ACOXL: variants seen among roughly 807,000 people sequenced by gnomAD.
The protein encoded by ACOXL is acyl-coenzyme A oxidase-like protein.
In ACOXL, 70 loss-of-function variants were observed where a neutral mutation model predicts 71.9. That is an observed-to-expected ratio of 0.97 (90% confidence interval 0.80 to 1.19). The LOEUF is 1.19. ACOXL is among the 50% of genes most tolerant of loss of function. The pLI is 0.00. For synonymous variants in ACOXL, 253 were observed against 281.6 expected (o/e 0.90, Z 1.02); for missense variants, 703 against 736.3 (o/e 0.95, Z 0.52).
intron 10 of ACOXL, among the ~76,000 whole-genome samples, chr2:110,861,065 C>T (rs1023138271): frequency 7.2e-5 from 11 of 152,144 alleles, no homozygotes; most frequent in South Asian, 2.1e-4. Context: ...ACCCTGGAGG[C>T]GGAGGTTGCA....
chr2:111,036,599 A>C (rs1009386159), intron 15 of ACOXL, among the ~76,000 whole-genome samples: 1 of 152,166 alleles, frequency 6.6e-6, no homozygotes, highest in Non-Finnish European at 1.5e-5. Flanking sequence ...GCCTATGAGC[A>C]GTGCCTTTGG....
intron 14 of ACOXL, among the ~76,000 whole-genome samples, chr2:110,996,955 A>G (rs2063422108): frequency 1.3e-5 from 2 of 152,124 alleles, no homozygotes; most frequent in Admixed American, 6.6e-5. Context: ...GTGTAAATCA[A>G]TTTTTCCCCC....
intron 11 of ACOXL, among the ~76,000 whole-genome samples, chr2:110,929,579 C>T (rs1003769477): frequency 6.6e-6 from 1 of 152,172 alleles, no homozygotes; most frequent in Non-Finnish European, 1.5e-5. Flanking sequence ...TAGTGAGGAA[C>T]CAAATGCTAA....
Position 110,996,010 on chromosome 2 carries a change from G to A in ACOXL, c.1281+6G>A. The A allele has an allele frequency of 6.3e-7, 1 of 1,579,086 alleles. No homozygotes were observed. The highest frequency in any genetic ancestry group is 1.1e-5 in the South Asian group (1 of 90,808). ...TGGCCAGAATTTATTATAAGGTAAA[G>A]ATACACTGTGTTATATTTTTCCTTT... On this transcript the variant is annotated splice_donor_region_variant and intron_variant, in intron 14 of 17. Transcript: ENST00000439055.
At position 110,841,359 on chromosome 2, in the gene ACOXL, T is replaced by C; in HGVS notation, c.754-12T>C. The C allele has an allele frequency of 6.2e-7, 1 of 1,603,274 alleles. No individual in the cohort carries two copies. The highest frequency in any genetic ancestry group is 8.5e-7 in the Non-Finnish European group (1 of 1,172,170). ...TATTACTTAATTTGTTTTTCTCTCT[T>C]TTTAATTACAGCTTGGGTTGACGAT... is the stretch of plus-strand genomic sequence containing the variant. On this transcript the variant is annotated splice_polypyrimidine_tract_variant and intron_variant, in intron 9 of 17. Transcript: ENST00000439055.
intron 10 of ACOXL, among the ~76,000 whole-genome samples, chr2:110,866,438 G>C (rs1694595824): frequency 1.3e-5 from 2 of 152,138 alleles, no homozygotes; most frequent in South Asian, 4.1e-4. Context: ...CATTTAGAAT[G>C]AAGACATGAA....
rs184328034 is a variant in ACOXL, at chr2:110,891,779, G to T, written c.789-17010G>T. 9.9e-5 allele frequency among the ~76,000 whole-genome samples: 15 copies of T among 152,166 alleles called. No homozygotes were observed. In the East Asian group the frequency reaches 2.9e-3, roughly 29 times the overall value. On this transcript the variant is annotated intron_variant, in intron 10 of 17. Transcript: ENST00000439055. ...GGAACTAGGCATGAAATTGGGTTTTGTTTTTGAGCAAAGTTCAGAAGTGAG... is the reference window on the plus strand; with the variant it reads ...GGAACTAGGCATGAAATTGGGTTTTTTTTTTGAGCAAAGTTCAGAAGTGAG...
At chr2:111,014,217 G>A (rs1193213851) in intron 14 of ACOXL, among the ~76,000 whole-genome samples, 1 of 152,018 alleles carries the variant, frequency 6.6e-6, no homozygotes, top group Non-Finnish European at 1.5e-5. Context: ...TGTATTGGAG[G>A]GCCTAGCCAG....
intron 2 of ACOXL, among the ~76,000 whole-genome samples, chr2:110,776,293 G>A (rs1382735431): frequency 6.6e-6 from 1 of 152,178 alleles, no homozygotes; most frequent in South Asian, 2.1e-4. Flanking sequence ...AGTGTTTAAT[G>A]GGTGTAGATT....
At chr2:110,892,947 A>G (rs1002832260) in intron 10 of ACOXL, among the ~76,000 whole-genome samples, 1 of 152,214 alleles carries the variant, frequency 6.6e-6, no homozygotes, top group East Asian at 1.9e-4. Flanking sequence ...GCAGTTAACT[A>G]TGTTGGTAGA....
At chr2:110,925,627 G>T (rs2060240498) in intron 11 of ACOXL, among the ~76,000 whole-genome samples, 1 of 152,288 alleles carries the variant, frequency 6.6e-6, no homozygotes, top group Admixed American at 6.5e-5. Context: ...ATGGAATGTT[G>T]TGATTGGTTT....
At chr2:110,869,398 A>AC (rs1320896252) in intron 10 of ACOXL, among the ~76,000 whole-genome samples, 2 of 152,084 alleles carry the variant, frequency 1.3e-5, no homozygotes, top group Non-Finnish European at 2.9e-5. Flanking sequence ...GTGTTCTGTC[A>AC]CCCCAAAGGC....
At chr2:111,000,308 C>G (rs2063562688) in intron 14 of ACOXL, among the ~76,000 whole-genome samples, 1 of 152,136 alleles carries the variant, frequency 6.6e-6, no homozygotes, top group East Asian at 1.9e-4. Flanking sequence ...AGTGATCTAG[C>G]AAAGGAGATG....
intron 10 of ACOXL, among the ~76,000 whole-genome samples, chr2:110,870,078 A>G (rs1326124936): frequency 6.6e-6 from 1 of 152,178 alleles, no homozygotes; most frequent in Non-Finnish European, 1.5e-5. Context: ...AGGACTAGTT[A>G]TCTTATGGCT....
chr2:110,771,195 C>G (rs957770260), intron 2 of ACOXL, among the ~76,000 whole-genome samples: 1 of 152,192 alleles, frequency 6.6e-6, no homozygotes, highest in East Asian at 1.9e-4. Flanking sequence ...GCGGCAGGCT[C>G]ATCTCGCTGG....
chr2:111,002,990 G>A (rs999577416), intron 14 of ACOXL, among the ~76,000 whole-genome samples: 14 of 152,104 alleles, frequency 9.2e-5, no homozygotes, highest in South Asian at 2.1e-4. Flanking sequence ...TGTTCAATCC[G>A]TATTAGAAAA....
chr2:111,113,868 A>C (rs1471795449), intron 17 of ACOXL, among the ~76,000 whole-genome samples: 4 of 152,252 alleles, frequency 2.6e-5, no homozygotes, highest in Non-Finnish European at 5.9e-5. Flanking sequence ...CTCAAAATCT[A>C]GTTAACCTAA....
chr2:111,092,569 T>C (rs1004359518), intron 16 of ACOXL, among the ~76,000 whole-genome samples: 36 of 152,312 alleles, frequency 2.4e-4, no homozygotes, highest in African/African-American at 8.2e-4. Context: ...GTAGGTTACA[T>C]ATGAAATAAG....
At chr2:110,860,249 T>C (rs191077216) in intron 10 of ACOXL, among the ~76,000 whole-genome samples, 2 of 152,302 alleles carry the variant, frequency 1.3e-5, no homozygotes, top group East Asian at 3.9e-4. Context: ...TAGCTGGGAC[T>C]ACAGGCACCT....
Sources: gnomAD v4.1 joint callset for allele counts (sites outside exome capture counted in the v4.1 genomes callset) on GRCh38, gnomAD v4.1.1 for gene constraint, MANE v1.5 for transcripts, NCBI Gene and HGNC (gene_info 2026-07-23, HGNC 2026-07-21) for gene names.